Variants in ANKRD6 observed in about 807,000 individuals in gnomAD.
ANKRD6 encodes ankyrin repeat domain 6.
ANKRD6 carries 56 observed loss-of-function variants against 82.3 expected under a neutral mutation model. That is an observed-to-expected ratio of 0.68 (90% CI 0.55 to 0.85). The LOEUF (loss-of-function observed/expected upper bound fraction) is 0.85, where lower values mean the gene tolerates loss of function less well. Ranked by LOEUF, ANKRD6 falls within the 40% of genes least tolerant of loss-of-function variation. The pLI, the probability that ANKRD6 is intolerant of heterozygous loss-of-function variation, is 0.00. For synonymous variants in ANKRD6, 347 were observed against 352.1 expected (o/e 0.99, Z 0.16); for missense variants, 852 against 907.6 (o/e 0.94, Z 0.79).
chr6:89,631,185 A>C lies in ANKRD6; in HGVS notation c.*181A>C. On this transcript the variant is annotated 3_prime_UTR_variant, in exon 16 of 16. Transcript: ENST00000339746. ...TGCCCAGGAAGTTATGAAGACTTCA[A>C]CAATTAAACTGAAACCAGGGGAAGC... 8.8e-7 allele frequency: 1 copy of C among 1,133,408 alleles called. No individual in the cohort carries two copies. The allele number at this position is 1,133,408 out of a possible 1,614,324, so 70.2% of individuals were successfully genotyped here. A position where few individuals can be genotyped will look rare whatever the true frequency, so the allele number is the denominator to read the frequency against.
intron 1 of ANKRD6, among the ~76,000 whole-genome samples, chr6:89,472,343 G>A (rs964874881): frequency 1.3e-5 from 2 of 152,164 alleles, no homozygotes; most frequent in African/African-American, 2.4e-5. Context: ...ACAGCAACCC[G>A]TTAAGCTCCC....
chr6:89,618,104 C>A (rs764089779), intron 9 of ANKRD6, 73 bp downstream of exon 9: 6 of 1,489,896 alleles, frequency 4.0e-6, no homozygotes, highest in Non-Finnish European at 5.6e-6. Context: ...TGGTTGCAAT[C>A]TACTGAAGCC....
chr6:89,536,447 T>C (rs943752247), intron 1 of ANKRD6, among the ~76,000 whole-genome samples: 28 of 152,240 alleles, frequency 1.8e-4, no homozygotes, highest in Non-Finnish European at 2.9e-4. Flanking sequence ...GAGAAGAAAG[T>C]GTGTGCTGCC....
chr6:89,439,741 C>G (rs917083846), intron 1 of ANKRD6, among the ~76,000 whole-genome samples: 2 of 152,134 alleles, frequency 1.3e-5, no homozygotes, highest in Non-Finnish European at 2.9e-5. Context: ...TTCTGTCACC[C>G]AGGCTGGAGT....
intron 1 of ANKRD6, among the ~76,000 whole-genome samples, chr6:89,502,722 A>G (rs776279219): frequency 1.8e-4 from 28 of 152,236 alleles, no homozygotes; most frequent in Non-Finnish European, 3.7e-4. Flanking sequence ...AAATATAGCA[A>G]TTAAATCCCA....
chr6:89,576,157 T>C (rs1047528666), intron 2 of ANKRD6, among the ~76,000 whole-genome samples: 1 of 152,122 alleles, frequency 6.6e-6, no homozygotes, highest in East Asian at 1.9e-4. Flanking sequence ...GTTCACTCCA[T>C]TCTCCTGCCT....
intron 10 of ANKRD6, 90 bp from the exon 11 acceptor site, chr6:89,623,320 T>C: frequency 6.7e-7 from 1 of 1,482,608 alleles, no homozygotes; most frequent in Non-Finnish European, 9.0e-7. Context: ...TCCCTTACCA[T>C]ATGGAATCTT....
chr6:89,470,863 G>A (rs559506906), intron 1 of ANKRD6, among the ~76,000 whole-genome samples: 1 of 152,174 alleles, frequency 6.6e-6, no homozygotes, highest in South Asian at 2.1e-4. Flanking sequence ...CATCAAAAAG[G>A]TAATGTTGTA....
At chr6:89,455,151 G>GT (rs75865475) in intron 1 of ANKRD6, among the ~76,000 whole-genome samples, 1,911 of 139,842 alleles carry the variant, frequency 0.014, 38 homozygotes, top group African/African-American at 0.042. Flanking sequence ...GTGTGTGTGT[G>GT]TTTTTTTTTT....
Position 89,627,638 on chromosome 6 carries a change from G to A in ANKRD6, c.1427G>A (p.Cys476Tyr). 5.1e-5 allele frequency: 83 copies of A among 1,613,786 alleles called. No homozygotes were observed. Among genetic ancestry groups the A allele is most frequent in the Non-Finnish European group, 6.9e-5 (81 of 1,179,778 alleles). Residue 476 changes from cysteine to tyrosine, a missense_variant, in exon 14 of 16, where the codon TGC becomes TAC. Physicochemically the swap from Cys to Tyr is radical, Grantham distance 194. Transcript: ENST00000339746. ...CGACTTTCTGCAGAGAGGACGGAGT[G>A]CCTGAACCGCCTGCAACAGCACTCA... is the stretch of plus-strand genomic sequence containing the variant. ...VERLSAERTECLNRLQQHSDT... is the reference protein window; with the variant it reads ...VERLSAERTEYLNRLQQHSDT...
At chr6:89,479,604 T>A (rs1776530971) in intron 1 of ANKRD6, among the ~76,000 whole-genome samples, 1 of 147,942 alleles carries the variant, frequency 6.8e-6, no homozygotes, top group Non-Finnish European at 1.5e-5. Flanking sequence ...TTTTTATTTT[T>A]ATTTATTTAT....
intron 1 of ANKRD6, among the ~76,000 whole-genome samples, chr6:89,444,766 G>C (rs940572190): frequency 6.6e-6 from 1 of 152,152 alleles, no homozygotes; most frequent in African/African-American, 2.4e-5. Flanking sequence ...TCAGGAGTTT[G>C]AGACCAGCCT....
At chr6:89,530,938 A>G (rs1783067636) in intron 1 of ANKRD6, among the ~76,000 whole-genome samples, 1 of 152,236 alleles carries the variant, frequency 6.6e-6, no homozygotes, top group Admixed American at 6.5e-5. Context: ...TAAATTCAAC[A>G]TTGGAATGTC....
intron 1 of ANKRD6, among the ~76,000 whole-genome samples, chr6:89,457,086 GGT>G (rs1473785148): frequency 3.9e-5 from 6 of 152,268 alleles, no homozygotes; most frequent in African/African-American, 1.4e-4. Context: ...GGATGTTGGT[GGT>G]GGCTGCTGGA....
At chr6:89,445,811 CT>C (rs2127946658) in intron 1 of ANKRD6, among the ~76,000 whole-genome samples, 1 of 151,546 alleles carries the variant, frequency 6.6e-6, no homozygotes, top group East Asian at 2.0e-4. Flanking sequence ...AACTCCTGAC[CT>C]CAGGTGATCC....
chr6:89,439,275 TATC>T (rs1208043980), intron 1 of ANKRD6, among the ~76,000 whole-genome samples: 5 of 152,204 alleles, frequency 3.3e-5, no homozygotes, highest in African/African-American at 9.6e-5. Context: ...TCGTTAATGT[TATC>T]ATAAGAGTTT....
intron 1 of ANKRD6, among the ~76,000 whole-genome samples, chr6:89,511,304 T>C (rs1309263652): frequency 6.6e-6 from 1 of 152,214 alleles, no homozygotes; most frequent in South Asian, 2.1e-4. Flanking sequence ...AGGCACACAC[T>C]GAGGCATTGG....
rs191983577 is a variant in ANKRD6 at position 89,433,852 on chromosome 6, C to A, written c.-144+477C>A. On this transcript the variant is annotated intron_variant, in intron 1 of 15. Coordinates refer to ENST00000339746, the MANE Select transcript of ANKRD6 (RefSeq NM_001242809.2). The surrounding 1 kb of genome is among the most constrained non-coding windows in gnomAD (Gnocchi z 4.3). ...TGCAGTCGCAGGAGAGGGGCCGATA[C>A]CCCTCAGGAGCCCCATCGGCGAAGC... 1.7e-3 allele frequency among the ~76,000 whole-genome samples: 256 copies of A among 152,358 alleles called. 2 individuals are homozygous for A. Among genetic ancestry groups the A allele is most frequent in the African/African-American group, 5.8e-3 (240 of 41,596 alleles).
intron 1 of ANKRD6, among the ~76,000 whole-genome samples, chr6:89,519,767 C>T (rs1781673816): frequency 1.3e-5 from 2 of 152,222 alleles, no homozygotes; most frequent in South Asian, 4.1e-4. Flanking sequence ...GTGGTCTACA[C>T]TGTTTCTTTA....
Sources: gnomAD v4.1 joint callset for allele counts (sites outside exome capture counted in the v4.1 genomes callset) on GRCh38, gnomAD v4.1.1 for gene constraint, Gnocchi (gnomAD v3.1) non-coding constraint, MANE v1.5 for transcripts, NCBI Gene and HGNC (gene_info 2026-07-23, HGNC 2026-07-21) for gene names.